Variants in MEGF6 observed in about 807,000 individuals in gnomAD.
MEGF6 encodes the protein multiple EGF like domains 6.
A neutral mutation model predicts 207.1 loss-of-function variants in MEGF6; 184 were observed. The ratio of observed to expected loss-of-function variants is 0.89; its 90% CI spans 0.79 to 1.00. The LOEUF is 1.00. MEGF6 is among the 50% of genes least tolerant of loss of function. The pLI, the probability that MEGF6 is intolerant of heterozygous loss-of-function variation, is 0.00. For synonymous variants in MEGF6, 1,038 were observed against 910.0 expected, an observed-to-expected ratio of 1.14 and a Z score of -2.53; for missense variants, 2,282 against 2,202.9, an observed-to-expected ratio of 1.04 and a Z score of -0.72.
chr1:3,544,233 C>T (rs1041962476), intron 4 of MEGF6, among the ~76,000 whole-genome samples: 8 of 150,892 alleles, frequency 5.3e-5, no homozygotes, highest in Non-Finnish European at 1.2e-4. Flanking sequence ...TAACCCTCTC[C>T]CCCCAGCATC....
Position 3,526,428 on chromosome 1 carries a change from C to T in MEGF6, c.482-2182G>A, listed in dbSNP as rs867734537. ...TTTTTTTTTTTTTTTGAGACAGTCT[C>T]GCTCTGTCGCCCAGGCTGGAGTGCA... is the stretch of plus-strand genomic sequence containing the variant. On this transcript the variant is annotated intron_variant, in intron 4 of 36. Coordinates refer to ENST00000356575, the MANE Select transcript of MEGF6 (RefSeq NM_001409.4). Among the ~76,000 whole-genome samples the T allele has an allele frequency of 1.0e-4, 15 of 146,292 alleles. No individual in the cohort carries two copies. In the South Asian group the frequency reaches 1.3e-3, roughly 13 times the overall value.
intron 1 of MEGF6, among the ~76,000 whole-genome samples, chr1:3,609,735 G>C (rs994586709): frequency 5.9e-5 from 9 of 152,330 alleles, no homozygotes; most frequent in Non-Finnish European, 1.3e-4. Context: ...TGCAGAGGCA[G>C]GACACAGGAA....
At chr1:3,535,786 G>A (rs1165919599) in intron 4 of MEGF6, among the ~76,000 whole-genome samples, 1 of 152,192 alleles carries the variant, frequency 6.6e-6, no homozygotes, top group African/African-American at 2.4e-5. Context: ...GAAGAGAAGT[G>A]CGGCCCAGGG....
At chr1:3,559,751 C>A (rs1643138533) in intron 4 of MEGF6, among the ~76,000 whole-genome samples, 1 of 152,110 alleles carries the variant, frequency 6.6e-6, no homozygotes, top group Non-Finnish European at 1.5e-5. Flanking sequence ...GTGGCTCAAG[C>A]CTGTAATCCC....
chr1:3,581,337 A>G (rs2101761727), intron 3 of MEGF6, among the ~76,000 whole-genome samples: 1 of 152,054 alleles, frequency 6.6e-6, no homozygotes, highest in Non-Finnish European at 1.5e-5. Flanking sequence ...GGGCCCTCAC[A>G]CACATCTGGC....
Position 3,505,215 on chromosome 1 carries a change from AC to A in MEGF6, c.2180del (p.Cys727LeufsTer12). 1 of 1,611,946 alleles carries A rather than the reference AC, an allele frequency of 6.2e-7. No homozygotes were observed. Among genetic ancestry groups the A allele is most frequent in the Non-Finnish European group, 8.5e-7 (1 of 1,179,826 alleles). ...CAGGGGCCGGCCACTCACCTTGGCC[AC>A]AGTCCTCTCCCTGGAAGCCAGCAGG... Reference protein sequence around the residue: ...RCPAGFQGEDCGQECPVGTFG... With the variant: ...RCPAGFQGEDXGQECPVGTFG... On this transcript the variant is annotated frameshift_variant, in exon 17 of 37. Transcript: ENST00000356575. LOFTEE classifies it high-confidence loss of function.
At position 3,582,890 on chromosome 1, in the gene MEGF6, G is replaced by A. The variant is rs767070284; in HGVS notation, c.377-2961C>T. On this transcript the variant is annotated intron_variant, in intron 3 of 36. Transcript: ENST00000356575. ...CTGTGATTAGGCACTCAGTTGGGGT[G>A]ACAGCTCACTTCCCATGCCAGGCCC... Among the ~76,000 whole-genome samples the A allele has an allele frequency of 2.0e-5, 3 of 152,184 alleles. No homozygotes were observed. The East Asian group carries it at 5.8e-4, about 29-fold the overall frequency.
chr1:3,608,633 C>T (rs1007626291), intron 1 of MEGF6, among the ~76,000 whole-genome samples: 2 of 152,196 alleles, frequency 1.3e-5, no homozygotes, highest in African/African-American at 4.8e-5. Context: ...CTGAGCCCCG[C>T]GAAGCAGACA....
chr1:3,501,416 T>C, intron 18 of MEGF6, 108 bp from the exon 19 acceptor site: 2 of 1,431,170 alleles, frequency 1.4e-6, no homozygotes, highest in Non-Finnish European at 1.9e-6. Context: ...GTGGAACCAC[T>C]GTTACCATCT....
intron 2 of MEGF6, among the ~76,000 whole-genome samples, chr1:3,596,371 C>T (rs965574846): frequency 2.6e-5 from 4 of 151,974 alleles, no homozygotes; most frequent in African/African-American, 4.8e-5. Context: ...TCCCCCTCCC[C>T]AAGTCCAGAC....
At chr1:3,548,404 C>T (rs568663028) in intron 4 of MEGF6, among the ~76,000 whole-genome samples, 5 of 152,366 alleles carry the variant, frequency 3.3e-5, no homozygotes, top group Admixed American at 6.5e-5. Context: ...CAGCCGTCTC[C>T]GGACTGTTGG....
chr1:3,560,042 C>T lies in MEGF6; in HGVS notation c.481+19783G>A, dbSNP rs1357026182. 7.1e-6 allele frequency among the ~76,000 whole-genome samples: 1 copy of T among 141,572 alleles called. No individual in the cohort carries two copies. The highest frequency in any genetic ancestry group is 2.6e-5 in the African/African-American group (1 of 38,926). The allele number at this position is 141,572 out of a possible 152,430, so 92.9% of individuals were successfully genotyped here. A position where few individuals can be genotyped will look rare whatever the true frequency, so the allele number is the denominator to read the frequency against. Reference sequence around the variant, plus strand: ...AAGAAAAAAAAAAAAAAAAAGGAAACACGATGAGCCCATCTCCTGGGAGTC... The same window carrying T: ...AAGAAAAAAAAAAAAAAAAAGGAAATACGATGAGCCCATCTCCTGGGAGTC... On this transcript the variant is annotated intron_variant, in intron 4 of 36. Transcript: ENST00000356575. The surrounding 1 kb of genome is among the most constrained non-coding windows in gnomAD (Gnocchi z 4.0).
chr1:3,516,579 G>T (rs1641548833), intron 5 of MEGF6, among the ~76,000 whole-genome samples: 2 of 152,208 alleles, frequency 1.3e-5, no homozygotes, highest in Admixed American at 1.3e-4. Context: ...TCCCTGGGAG[G>T]TGCCTGGGCC....
chr1:3,604,993 G>T (rs989025153), intron 1 of MEGF6, among the ~76,000 whole-genome samples: 2 of 151,908 alleles, frequency 1.3e-5, no homozygotes, highest in African/African-American at 4.8e-5. Flanking sequence ...ACCCCACCCT[G>T]CTGTGACCCA....
chr1:3,505,141 T>G, intron 17 of MEGF6, 67 bp downstream of exon 17: 2 of 1,574,468 alleles, frequency 1.3e-6, no homozygotes, highest in Non-Finnish European at 8.6e-7. Flanking sequence ...AAGCCTACCC[T>G]CCAGCCAGGC....
intron 4 of MEGF6, among the ~76,000 whole-genome samples, chr1:3,575,506 G>A (rs758051310): frequency 9.2e-5 from 14 of 152,188 alleles, no homozygotes; most frequent in South Asian, 2.1e-4. Flanking sequence ...GTATTAGTCC[G>A]TTTTCCAACT....
chr1:3,501,791 C>G lies in MEGF6; in HGVS notation c.2314+5G>C, dbSNP rs746930043. The G allele has an allele frequency of 6.2e-7, 1 of 1,610,080 alleles. No homozygotes were observed. The highest frequency in any genetic ancestry group is 8.5e-7 in the Non-Finnish European group (1 of 1,178,708). ...GGCGGAACTGGGGCTGCGGCTGACACTCACCTGCCTCACAGTCTTCCCCAG... is the reference window on the plus strand; with the variant it reads ...GGCGGAACTGGGGCTGCGGCTGACAGTCACCTGCCTCACAGTCTTCCCCAG... On this transcript the variant is annotated splice_donor_5th_base_variant and intron_variant, in intron 18 of 36. Coordinates refer to ENST00000356575, the MANE Select transcript of MEGF6 (RefSeq NM_001409.4).
intron 10 of MEGF6, 35 bp from the exon 11 acceptor site, chr1:3,510,027 C>G (rs1372025956): frequency 3.2e-6 from 5 of 1,567,950 alleles, no homozygotes; most frequent in Non-Finnish European, 3.4e-6. Flanking sequence ...GGCCTGTGCT[C>G]CCAGGTGGGG....
At position 3,509,869 on chromosome 1, in the gene MEGF6, C is replaced by T. The variant is rs775130007; in HGVS notation, c.1357+1G>A. On this transcript the variant is annotated splice_donor_variant, in intron 11 of 36. Transcript: ENST00000356575. LOFTEE classifies it high-confidence loss of function. Reference sequence around the variant, plus strand: ...TGCTCCGCGGAGGGCGGGAGACTCACGGCTGCAGCCCCTACGGTCCTCGTG... The same window carrying T: ...TGCTCCGCGGAGGGCGGGAGACTCATGGCTGCAGCCCCTACGGTCCTCGTG... The T allele has an allele frequency of 1.7e-5, 26 of 1,550,266 alleles. No homozygotes were observed. The highest frequency in any genetic ancestry group is 4.1e-5 in the African/African-American group (3 of 73,274).
Sources: allele counts gnomAD v4.1 joint callset (sites outside exome capture counted in the v4.1 genomes callset), GRCh38; gene constraint gnomAD v4.1.1; non-coding constraint Gnocchi (gnomAD v3.1); transcripts MANE v1.5; gene names NCBI Gene and HGNC (gene_info 2026-07-23, HGNC 2026-07-21).